The following NR5A1 variants were observed in gnomAD, a reference collection of about 807,000 sequenced individuals.
NR5A1 encodes nuclear receptor subfamily 5 group A member 1.
In NR5A1, 6 loss-of-function variants were observed where a neutral mutation model predicts 42.7. The observed-to-expected ratio is 0.14, with a 90% confidence interval of 0.08 to 0.28. The LOEUF (loss-of-function observed/expected upper bound fraction) is 0.28, where lower values mean the gene tolerates loss of function less well. Ranked by LOEUF, NR5A1 falls within the 10% of genes least tolerant of loss-of-function variation. NR5A1 has a pLI of 1.00. For synonymous variants in NR5A1, 274 were observed against 277.5 expected (o/e 0.99, Z 0.12); for missense variants, 442 against 626.4 (o/e 0.71, Z 3.14).
chr9:124,485,363 CT>C (rs1337216783), intron 6 of NR5A1, among the ~76,000 whole-genome samples: 1 of 152,192 alleles, frequency 6.6e-6, no homozygotes, highest in Non-Finnish European at 1.5e-5. Context: ...CCCTGGCCCC[CT>C]AATCCCCCTT....
At chr9:124,491,812 C>A (rs1438236554) in intron 5 of NR5A1, among the ~76,000 whole-genome samples, 1 of 152,136 alleles carries the variant, frequency 6.6e-6, no homozygotes, top group Non-Finnish European at 1.5e-5. Context: ...TATGTGATCA[C>A]ATTTACGGGT....
chr9:124,487,365 A>C (rs1832230854), intron 6 of NR5A1, among the ~76,000 whole-genome samples: 1 of 152,208 alleles, frequency 6.6e-6, no homozygotes, highest in African/African-American at 2.4e-5. Context: ...TAAATTGCAA[A>C]CGCTTAAGGG....
chr9:124,506,233 TGAAAC>T (rs1216274783), intron 1 of NR5A1, among the ~76,000 whole-genome samples: 1 of 152,220 alleles, frequency 6.6e-6, no homozygotes, highest in Non-Finnish European at 1.5e-5. Context: ...TTCTCCTCTC[TGAAAC>T]GAGAGCCTCA....
At chr9:124,497,183 C>G (rs1832401917) in intron 4 of NR5A1, among the ~76,000 whole-genome samples, 1 of 152,182 alleles carries the variant, frequency 6.6e-6, no homozygotes, top group Non-Finnish European at 1.5e-5. Context: ...CTCAGTTCTT[C>G]CCCTGTCCTT....
rs560010315 is a variant in NR5A1 at position 124,503,886 on chromosome 9, C to G, written c.-15-476G>C. Among the ~76,000 whole-genome samples the G allele has an allele frequency of 6.6e-6, 1 of 151,914 alleles. No homozygotes were observed. Among genetic ancestry groups the G allele is most frequent in the Non-Finnish European group, 1.5e-5 (1 of 68,000 alleles). Reference sequence around the variant, plus strand: ...AGCCAGAGATGGGAAGAAACTCTGGCGAGAGACAACGACCGACGCCACCGG... The same window carrying G: ...AGCCAGAGATGGGAAGAAACTCTGGGGAGAGACAACGACCGACGCCACCGG... On this transcript the variant is annotated intron_variant, in intron 1 of 6. Transcript: ENST00000373588. This position sits in a 1 kb window ranked among gnomAD's most constrained non-coding sequence, Gnocchi z 9.6.
At chr9:124,504,693 T>C (rs545427441) in intron 1 of NR5A1, among the ~76,000 whole-genome samples, 12 of 149,090 alleles carry the variant, frequency 8.0e-5, no homozygotes, top group African/African-American at 2.9e-4. Context: ...TGGTCGCTCC[T>C]GCGAGCAGCG....
At position 124,507,377 on chromosome 9, in the gene NR5A1, G is replaced by A. The variant is rs1454357466; in HGVS notation, c.-144C>T. ...CGCAGAAACCCCCTCACACCACGGCGGGCGGCAGCCGGACAGCAGGCTGGC... is the reference window on the plus strand; with the variant it reads ...CGCAGAAACCCCCTCACACCACGGCAGGCGGCAGCCGGACAGCAGGCTGGC... On this transcript the variant is annotated 5_prime_UTR_variant, in exon 1 of 7. Coordinates refer to ENST00000373588, the MANE Select transcript of NR5A1 (RefSeq NM_004959.5). 4 of 152,224 alleles carry A rather than the reference G, an allele frequency of 2.6e-5. No individual in the cohort carries two copies. The highest frequency in any genetic ancestry group is 6.5e-5 in the Admixed American group (1 of 15,288). 9.4% of individuals were successfully genotyped at this position (152,224 alleles called of 1,614,324 possible). A position where few individuals can be genotyped will look rare whatever the true frequency, so the allele number is the denominator to read the frequency against.
At position 124,501,681 on chromosome 9, in the gene NR5A1, C is replaced by A. The variant is rs1261530999; in HGVS notation, c.245-966G>T. Among the ~76,000 whole-genome samples the A allele has an allele frequency of 6.6e-6, 1 of 152,220 alleles. No homozygotes were observed. Among genetic ancestry groups the A allele is most frequent in the Non-Finnish European group, 1.5e-5 (1 of 68,036 alleles). ...GGGAGTTTCTACTGCCCACAACAGC[C>A]AGCTATCTGGCCCCTTGGGACCTGG... On this transcript the variant is annotated intron_variant, in intron 3 of 6. Transcript: ENST00000373588. This position sits in a 1 kb window ranked among gnomAD's most constrained non-coding sequence, Gnocchi z 4.1.
At chr9:124,487,677 G>A (rs928687975) in intron 6 of NR5A1, among the ~76,000 whole-genome samples, 1 of 152,332 alleles carries the variant, frequency 6.6e-6, no homozygotes, top group South Asian at 2.1e-4. Flanking sequence ...CAGGCTGTCC[G>A]GCCCAGGGCG....
Position 124,493,105 on chromosome 9 carries a change from C to T in NR5A1, c.915G>A (p.Leu305=). Residue 305 remains leucine (L), a synonymous_variant, in exon 5 of 7, where the codon CTG becomes CTA. Transcript: ENST00000373588. ...MTLLQNCWSE[L]LVFDHIYRQV... ...GGCGGTAGATGTGGTCGAACACCAG[C>T]AGCTCGCTCCAGCAGTTCTGCAGCA... The T allele has an allele frequency of 6.2e-7, 1 of 1,612,246 alleles. No homozygotes were observed. The highest frequency in any genetic ancestry group is 8.5e-7 in the Non-Finnish European group (1 of 1,179,694).
In NR5A1 at chr9:124,491,193, C is replaced by T. The variant is rs1460142945; in HGVS notation, c.1026G>A (p.Ser342=). 1.2e-6 allele frequency: 2 copies of T among 1,607,594 alleles called. No individual in the cohort carries two copies. The highest frequency in any genetic ancestry group is 1.7e-5 in the Admixed American group (1 of 59,666). The change falls in exon 6 of 7, where the codon TCG becomes TCA. Residue 342 remains serine, a synonymous_variant. Coordinates refer to ENST00000373588, the MANE Select transcript of NR5A1 (RefSeq NM_004959.5). The part of the protein sequence containing the change: ...ELTTVATQAG[S]LLHSLVLRAQ... ...CCCGCAACACCAGGCTGTGCAGCAGCGAGCCCGCCTGGGTGGCCACTGTGG... is the reference window on the plus strand; with the variant it reads ...CCCGCAACACCAGGCTGTGCAGCAGTGAGCCCGCCTGGGTGGCCACTGTGG...
intron 4 of NR5A1, 62 bp from the exon 5 acceptor site, chr9:124,493,211 C>T: frequency 1.3e-6 from 2 of 1,562,140 alleles, no homozygotes; most frequent in Non-Finnish European, 1.7e-6. Context: ...CTTCCTCTCA[C>T]CCCTTCTCCT....
chr9:124,495,076 G>A (rs150352178), intron 4 of NR5A1, among the ~76,000 whole-genome samples: 244 of 152,284 alleles, frequency 1.6e-3, no homozygotes, highest in African/African-American at 5.4e-3. Context: ...CCCACGTGGT[G>A]GAAAAGAGGG....
At chr9:124,502,947 A>T in intron 3 of NR5A1, 132 bp downstream of exon 3, 1 of 1,137,060 alleles carries the variant, frequency 8.8e-7, no homozygotes, top group Non-Finnish European at 1.2e-6. Flanking sequence ...TCTTGCAGCG[A>T]CTGGGCCCTA....
Position 124,498,753 on chromosome 9 carries a change from G to T in NR5A1, c.870+1337C>A, listed in dbSNP as rs1286890852. 2.0e-5 allele frequency among the ~76,000 whole-genome samples: 3 copies of T among 152,206 alleles called. No individual in the cohort carries two copies. The highest frequency in any genetic ancestry group is 6.5e-5 in the Admixed American group (1 of 15,284). On this transcript the variant is annotated intron_variant, in intron 4 of 6. Coordinates refer to ENST00000373588, the MANE Select transcript of NR5A1 (RefSeq NM_004959.5). This position sits in a 1 kb window ranked among gnomAD's most constrained non-coding sequence, Gnocchi z 4.6. ...CAGTGTTGAGAAGGGGCTGGGGTGA[G>T]AAACCCACCCCATGACAGACACATG...
In NR5A1 at chr9:124,503,353, C is replaced by T. The variant is rs104894124; in HGVS notation, c.43G>A (p.Val15Met). 6.2e-7 allele frequency: 1 copy of T among 1,611,664 alleles called. No individual in the cohort carries two copies. The highest frequency in any genetic ancestry group is 8.5e-7 in the Non-Finnish European group (1 of 1,179,524). Residue 15 changes from valine to methionine, a missense_variant, in exon 2 of 7, where the codon GTG (valine) becomes ATG (methionine). Val to Met is a conservative substitution (Grantham distance 21). Transcript: ENST00000373588. The surrounding 1 kb of genome is among the most constrained non-coding windows in gnomAD (Gnocchi z 9.6). ...TAGCCGGACACCTTGTCCCCGCACA[C>T]GGGGCACAGCTCGTCCAGGTCCTCG... ...YDEDLDELCP[V>M]CGDKVSGYHY...
chr9:124,499,742 C>T (rs1832437640), intron 4 of NR5A1, among the ~76,000 whole-genome samples: 1 of 152,066 alleles, frequency 6.6e-6, no homozygotes, highest in Non-Finnish European at 1.5e-5. Flanking sequence ...CTGAGAGAGC[C>T]CCAGAATAGG....
At position 124,496,731 on chromosome 9, in the gene NR5A1, A is replaced by G. The variant is rs879271761; in HGVS notation, c.870+3359T>C. ...TGACAGTTACTGCCGCTTAAATGAA[A>G]CCGTCTATCTGGGCAGTTAAATCTG... On this transcript the variant is annotated intron_variant, in intron 4 of 6. Coordinates refer to ENST00000373588, the MANE Select transcript of NR5A1 (RefSeq NM_004959.5). The surrounding 1 kb of genome is among the most constrained non-coding windows in gnomAD (Gnocchi z 5.0). 2.6e-5 allele frequency among the ~76,000 whole-genome samples: 4 copies of G among 152,102 alleles called. No individual in the cohort carries two copies. The highest frequency in any genetic ancestry group is 4.4e-5 in the Non-Finnish European group (3 of 68,024).
At chr9:124,499,356 A>T (rs1012830899) in intron 4 of NR5A1, among the ~76,000 whole-genome samples, 1 of 152,330 alleles carries the variant, frequency 6.6e-6, no homozygotes, top group South Asian at 2.1e-4. Context: ...GCCATGCCAT[A>T]GAGGAAGGCT....
Sources: allele counts gnomAD v4.1 joint callset (sites outside exome capture counted in the v4.1 genomes callset), GRCh38; gene constraint gnomAD v4.1.1; non-coding constraint Gnocchi (gnomAD v3.1); transcripts MANE v1.5; gene names NCBI Gene and HGNC (gene_info 2026-07-23, HGNC 2026-07-21).